The following ARMC2 variants were observed in gnomAD, a reference collection of about 807,000 sequenced individuals.
ARMC2 encodes the protein armadillo repeat-containing protein 2.
ARMC2 carries 67 observed loss-of-function variants against 90.3 expected under a neutral mutation model. The ratio of observed to expected loss-of-function variants is 0.74; its 90% CI spans 0.61 to 0.91. The LOEUF is 0.91. Among genes scored for constraint, ARMC2 ranks in the 40% least tolerant of loss-of-function variants. The pLI is 0.00. For synonymous variants in ARMC2, 393 were observed against 393.0 expected (o/e 1.00, Z 0.00); for missense variants, 920 against 1,030.9 (o/e 0.89, Z 1.47).
At chr6:109,007,235 A>G in the ARMC2 span, among the ~76,000 whole-genome samples, 1 of 152,220 alleles carries the variant, frequency 6.6e-6, no homozygotes, top group African/African-American at 2.4e-5. Context: ...CTATGTTTTT[A>G]TTGTATCACT....
chr6:109,051,539 GT>G, the ARMC2 span, among the ~76,000 whole-genome samples: 1 of 152,090 alleles, frequency 6.6e-6, no homozygotes, highest in Non-Finnish European at 1.5e-5. Flanking sequence ...CAAAGATGGG[GT>G]TCTAAAGTAT....
In ARMC2 at chr6:108,876,252, C is replaced by T. The variant is rs200854079; in HGVS notation, c.573C>T (p.His191=). 4 of 1,612,778 alleles carry T rather than the reference C, an allele frequency of 2.5e-6. No homozygotes were observed. In the East Asian group the frequency reaches 6.7e-5, roughly 27 times the overall value. The stretch of plus-strand genomic sequence containing the variant: ...ATGCTATTTGCCACTTAAAGAGTCA[C>T]CCACTTCAGCTAACTGATGATGGAG... ...KSNAICHLKS[H]PLQLTDDGGF... The change falls in exon 5 of 18, where the codon CAC becomes CAT. Residue 191 remains histidine (H), a synonymous_variant. Transcript: ENST00000392644.
the ARMC2 span, among the ~76,000 whole-genome samples, chr6:109,033,445 T>G: frequency 1.4e-4 from 21 of 152,314 alleles, 1 homozygote; most frequent in South Asian, 4.4e-3. Flanking sequence ...GAGATGCTTA[T>G]CAATAGGATG....
At chr6:109,011,009 T>C in the ARMC2 span, among the ~76,000 whole-genome samples, 1 of 152,254 alleles carries the variant, frequency 6.6e-6, no homozygotes, top group Non-Finnish European at 1.5e-5. Flanking sequence ...GGTAGAAGTA[T>C]GTGAAAAATG....
the ARMC2 span, among the ~76,000 whole-genome samples, chr6:108,980,347 A>G: frequency 6.6e-5 from 10 of 152,190 alleles, no homozygotes; most frequent in East Asian, 1.9e-4. Flanking sequence ...ATTGCTGCCT[A>G]TTCCTTCCTC....
the ARMC2 span, chr6:109,002,293 G>T: frequency 6.2e-7 from 1 of 1,613,200 alleles, no homozygotes; most frequent in Non-Finnish European, 8.5e-7. Context: ...TTTCTGGGAT[G>T]AATCTGCTTG....
the ARMC2 span, chr6:108,998,515 A>G: frequency 6.2e-7 from 1 of 1,613,726 alleles, no homozygotes; most frequent in East Asian, 2.2e-5. Flanking sequence ...ATACTTACAG[A>G]AACATTTTCT....
the ARMC2 span, among the ~76,000 whole-genome samples, chr6:108,992,005 C>T: frequency 2.2e-4 from 34 of 152,326 alleles, no homozygotes; most frequent in Non-Finnish European, 4.4e-4. Context: ...AATGTCCCTC[C>T]ATAAAAAATT....
chr6:109,029,668 G>A, the ARMC2 span, among the ~76,000 whole-genome samples: 3 of 152,054 alleles, frequency 2.0e-5, no homozygotes, highest in Non-Finnish European at 4.4e-5. Context: ...CCCAAGTAGG[G>A]TTTAACAGGT....
chr6:108,901,945 T>C (rs909195370), intron 7 of ARMC2, among the ~76,000 whole-genome samples: 1 of 152,224 alleles, frequency 6.6e-6, no homozygotes, highest in Non-Finnish European at 1.5e-5. Context: ...GTCTGATGTT[T>C]TCCCGTGATG....
intron 10 of ARMC2, among the ~76,000 whole-genome samples, chr6:108,913,718 T>A (rs976984257): frequency 6.6e-6 from 1 of 152,234 alleles, no homozygotes; most frequent in African/African-American, 2.4e-5. Context: ...GAATTCTCAC[T>A]TTTTAAATAA....
chr6:108,957,147 T>C (rs1777646848), intron 13 of ARMC2, among the ~76,000 whole-genome samples: 1 of 152,226 alleles, frequency 6.6e-6, no homozygotes, highest in African/African-American at 2.4e-5. Flanking sequence ...CTACTATGCC[T>C]TAGGCAGTTG....
At chr6:109,048,624 G>C in the ARMC2 span, among the ~76,000 whole-genome samples, 161 of 152,236 alleles carry the variant, frequency 1.1e-3, 1 homozygote, top group African/African-American at 3.5e-3. Flanking sequence ...ACAAGCCTGT[G>C]GGTAGATGGC....
intron 5 of ARMC2, among the ~76,000 whole-genome samples, chr6:108,883,165 A>G (rs2128445968): frequency 6.6e-6 from 1 of 152,352 alleles, no homozygotes; most frequent in Non-Finnish European, 1.5e-5. Flanking sequence ...TTTCTTAAAG[A>G]ATCACTCAGT....
At chr6:108,851,539 C>A (rs1218195220) in intron 1 of ARMC2, among the ~76,000 whole-genome samples, 1 of 152,076 alleles carries the variant, frequency 6.6e-6, no homozygotes, top group African/African-American at 2.4e-5. Context: ...TAGTTGCAGC[C>A]CCAATGCCTC....
intron 12 of ARMC2, among the ~76,000 whole-genome samples, chr6:108,939,626 A>G (rs1325586715): frequency 2.0e-5 from 3 of 152,206 alleles, no homozygotes; most frequent in African/African-American, 7.2e-5. Flanking sequence ...CCATGAGCCA[A>G]TTCAATCTCT....
chr6:108,953,013 C>T lies in ARMC2; in HGVS notation c.1597-20C>T. ...TCCAGCCCCCTTTGCACTTTTGACT[C>T]TGTCTTTCGTTTATTGCAGGATTTA... is the stretch of plus-strand genomic sequence containing the variant. On this transcript the variant is annotated intron_variant, in intron 12 of 17. Coordinates refer to ENST00000392644, the MANE Select transcript of ARMC2 (RefSeq NM_032131.6). The T allele has an allele frequency of 6.3e-7, 1 of 1,582,734 alleles. No individual in the cohort carries two copies. Among genetic ancestry groups the T allele is most frequent in the Non-Finnish European group, 8.6e-7 (1 of 1,161,894 alleles).
the ARMC2 span, among the ~76,000 whole-genome samples, chr6:108,984,732 A>G: frequency 3.3e-5 from 5 of 152,350 alleles, no homozygotes; most frequent in Admixed American, 6.5e-5. Context: ...TAGAAATACA[A>G]CTGATTTTTG....
chr6:109,048,091 T>TA, the ARMC2 span, among the ~76,000 whole-genome samples: 1 of 131,104 alleles, frequency 7.6e-6, no homozygotes, highest in East Asian at 2.0e-4. Context: ...GAATTATCAA[T>TA]AAAAAAATAA....
Sources: allele counts gnomAD v4.1 joint callset (sites outside exome capture counted in the v4.1 genomes callset), GRCh38; gene constraint gnomAD v4.1.1; transcripts MANE v1.5; gene names NCBI Gene and HGNC (gene_info 2026-07-23, HGNC 2026-07-21).